The following CEP104 variants were observed in gnomAD, a reference collection of about 807,000 sequenced individuals.
The protein encoded by CEP104 is centrosomal protein of 104 kDa.
CEP104 carries 84 observed loss-of-function variants against 113.3 expected under a neutral mutation model. The observed-to-expected ratio is 0.74, with a 90% CI of 0.62 to 0.89. The LOEUF (loss-of-function observed/expected upper bound fraction) is 0.89, where lower values mean the gene tolerates loss of function less well. Among genes scored for constraint, CEP104 ranks in the 40% least tolerant of loss-of-function variants. The pLI is 0.00. For synonymous variants in CEP104, 378 were observed against 421.7 expected, an observed-to-expected ratio of 0.90 and a Z score of 1.27; for missense variants, 1,053 against 1,156.6, an observed-to-expected ratio of 0.91 and a Z score of 1.30.
chr1:3,814,156 A>G lies in CEP104; in HGVS notation c.*1246T>C, dbSNP rs568964971. ...TATCCTTTTTGAAGTCTGCCCATGC[A>G]ACATCAGCGAGGCAAGCAGAAGCCC... On this transcript the variant is annotated 3_prime_UTR_variant, in exon 22 of 22. Transcript: ENST00000378230. 1 of 152,320 alleles carries G rather than the reference A, an allele frequency of 6.6e-6. No homozygotes were observed. The highest frequency in any genetic ancestry group is 2.4e-5 in the African/African-American group (1 of 41,578). 9.4% of individuals were successfully genotyped at this position (152,320 alleles called of 1,614,324 possible).
intron 6 of CEP104, chr1:3,843,209 G>A: frequency 1.4e-6 from 1 of 714,024 alleles, no homozygotes; most frequent in Non-Finnish European, 2.6e-6. Flanking sequence ...CAGCAGGCAG[G>A]TGGCAAGGGA....
rs967042529 is a variant in CEP104, at chr1:3,812,362, G to A, written c.*3040C>T. 3 of 151,994 alleles carry A rather than the reference G, an allele frequency of 2.0e-5. No individual in the cohort carries two copies. Among genetic ancestry groups the A allele is most frequent in the African/African-American group, 7.3e-5 (3 of 41,370 alleles). The allele number at this position is 151,994 out of a possible 1,614,324, so 9.4% of individuals were successfully genotyped here. A position where few individuals can be genotyped will look rare whatever the true frequency, so the allele number is the denominator to read the frequency against. ...AATAGAAATAAATATTAAATATTCAGAACATACTCATGAGTGAAAATTCAA... is the reference window on the plus strand; with the variant it reads ...AATAGAAATAAATATTAAATATTCAAAACATACTCATGAGTGAAAATTCAA... On this transcript the variant is annotated 3_prime_UTR_variant, in exon 22 of 22. Transcript: ENST00000378230.
At chr1:3,816,700 C>T (rs891098054) in intron 20 of CEP104, among the ~76,000 whole-genome samples, 4 of 152,230 alleles carry the variant, frequency 2.6e-5, no homozygotes, top group Non-Finnish European at 5.9e-5. Context: ...AGAAGCAGAG[C>T]GCCCGCGTGA....
In CEP104 at chr1:3,856,927, C is replaced by T. The variant is rs1644746664; in HGVS notation, c.-53G>A. 6.6e-6 allele frequency: 1 copy of T among 151,934 alleles called. No individual in the cohort carries two copies. Among genetic ancestry groups the T allele is most frequent in the Admixed American group, 6.6e-5 (1 of 15,240 alleles). 9.4% of individuals were successfully genotyped at this position (151,934 alleles called of 1,614,324 possible). A position where few individuals can be genotyped will look rare whatever the true frequency, so the allele number is the denominator to read the frequency against. On this transcript the variant is annotated 5_prime_UTR_variant, in exon 1 of 22. Transcript: ENST00000378230. Reference sequence around the variant, plus strand: ...AGGGCCCCGACTGGCGCTGCCGCGGCCCCGGTGGAGAGGGCGGCTGGGTCG... The same window carrying T: ...AGGGCCCCGACTGGCGCTGCCGCGGTCCCGGTGGAGAGGGCGGCTGGGTCG...
rs36097837 is a variant in CEP104, at chr1:3,813,576, C to G, written c.*1826G>C. On this transcript the variant is annotated 3_prime_UTR_variant, in exon 22 of 22. Transcript: ENST00000378230. Reference sequence around the variant, plus strand: ...TCCTTATAAACACATTTAACCTGGGCGTGGTGGCTCACGCCTGTAATCCCA... The same window carrying G: ...TCCTTATAAACACATTTAACCTGGGGGTGGTGGCTCACGCCTGTAATCCCA... 2 of 147,434 alleles carry G rather than the reference C, an allele frequency of 1.4e-5. No homozygotes were observed. The highest frequency in any genetic ancestry group is 2.5e-5 in the African/African-American group (1 of 40,354). The allele number at this position is 147,434 out of a possible 1,614,324, so 9.1% of individuals were successfully genotyped here. A position where few individuals can be genotyped will look rare whatever the true frequency, so the allele number is the denominator to read the frequency against.
chr1:3,828,727 A>T (rs972992204), intron 15 of CEP104, among the ~76,000 whole-genome samples: 4 of 152,078 alleles, frequency 2.6e-5, no homozygotes, highest in African/African-American at 7.2e-5. Context: ...ACTGAAGGAA[A>T]CTTCATCATA....
intron 11 of CEP104, among the ~76,000 whole-genome samples, chr1:3,834,615 C>A (rs1306737745): frequency 6.6e-6 from 1 of 152,208 alleles, no homozygotes; most frequent in Non-Finnish European, 1.5e-5. Flanking sequence ...AAAACACAAA[C>A]TGAAGATGTG....
At chr1:3,836,863 AATTGAAAAGATTAGATGAGGCTTTCTAT>A in intron 9 of CEP104, 171 bp from the exon 10 acceptor site, 1 of 611,110 alleles carries the variant, frequency 1.6e-6, no homozygotes, top group South Asian at 2.1e-5. Flanking sequence ...AATAGGATGT[AATTGAAAAGATTAGATGAGGCTTTCTAT>A]TACTTTCTAA....
intron 10 of CEP104, among the ~76,000 whole-genome samples, chr1:3,836,162 C>T (rs1368755773): frequency 6.6e-6 from 1 of 152,058 alleles, no homozygotes; most frequent in Non-Finnish European, 1.5e-5. Flanking sequence ...AAAAATTAGC[C>T]AGGCGTGGTG....
Position 3,842,376 on chromosome 1 carries a change from G to A in CEP104, c.566+2531C>T, listed in dbSNP as rs191420175. On this transcript the variant is annotated intron_variant, in intron 6 of 21. Coordinates refer to ENST00000378230, the MANE Select transcript of CEP104 (RefSeq NM_014704.4). ...ATTACAGGCGTGAGCCACCGCGCCCGGCCTTGGTGTTATTTTTTTATAGAC... is the reference window on the plus strand; with the variant it reads ...ATTACAGGCGTGAGCCACCGCGCCCAGCCTTGGTGTTATTTTTTTATAGAC... Among the ~76,000 whole-genome samples, 29 of 152,294 alleles carry A rather than the reference G, an allele frequency of 1.9e-4. 1 individual carries two copies. In the South Asian group the frequency reaches 4.1e-3, roughly 22 times the overall value.
At chr1:3,833,701 A>G (rs1644258670) in intron 12 of CEP104, 161 bp downstream of exon 12, 5 of 610,698 alleles carry the variant, frequency 8.2e-6, no homozygotes, top group Non-Finnish European at 1.3e-5. Context: ...TGTCTAAGAC[A>G]AAACTGACCT....
intron 6 of CEP104, 69 bp from the exon 7 acceptor site, chr1:3,839,845 G>C: frequency 7.7e-7 from 1 of 1,294,858 alleles, no homozygotes; most frequent in East Asian, 2.4e-5. Flanking sequence ...AAGATGCACG[G>C]TTGAGAAGAT....
At chr1:3,825,000 C>T (rs35600686) in intron 18 of CEP104, among the ~76,000 whole-genome samples, 1,845 of 24,840 alleles carry the variant, frequency 0.074, 128 homozygotes, top group African/African-American at 0.088. Context: ...GGCAGTGGCA[C>T]TGTGGGAAGG....
rs184977936 is a variant in CEP104 at position 3,825,942 on chromosome 1, G to T, written c.2256-76C>A. 308 of 997,066 alleles carry T rather than the reference G, an allele frequency of 3.1e-4. 1 individual carries two copies. Among genetic ancestry groups the T allele is most frequent in the Non-Finnish European group, 7.3e-5 (46 of 630,218 alleles). The allele number at this position is 997,066 out of a possible 1,614,324, so 61.8% of individuals were successfully genotyped here. On this transcript the variant is annotated intron_variant, in intron 17 of 21. Transcript: ENST00000378230. Reference sequence around the variant, plus strand: ...TGGCCGTTCCGCTCCCACGTCACGAGGAAATTCTGAATTTCCCCAGTCCCT... The same window carrying T: ...TGGCCGTTCCGCTCCCACGTCACGATGAAATTCTGAATTTCCCCAGTCCCT...
intron 9 of CEP104, chr1:3,837,007 C>T (rs1644327287): frequency 1.9e-6 from 1 of 516,968 alleles, no homozygotes; most frequent in South Asian, 2.7e-5. Context: ...AAAGTAAAGG[C>T]TATTACATCT....
chr1:3,847,682 T>C (rs908946210), intron 3 of CEP104, 69 bp from the exon 4 acceptor site: 2 of 1,491,602 alleles, frequency 1.3e-6, no homozygotes, highest in Admixed American at 1.7e-5. Flanking sequence ...CTACTCTGAT[T>C]GAACTCAATA....
At chr1:3,820,972 T>A (rs752724073) in intron 20 of CEP104, among the ~76,000 whole-genome samples, 1 of 152,166 alleles carries the variant, frequency 6.6e-6, no homozygotes, top group Non-Finnish European at 1.5e-5. Context: ...AGCCTGCAGC[T>A]CAGAACGGGA....
rs1261849044 is a variant in CEP104, at chr1:3,819,592, T to C, written c.2572-3222A>G. Among the ~76,000 whole-genome samples the C allele has an allele frequency of 1.3e-5, 2 of 152,124 alleles. No individual in the cohort carries two copies. The highest frequency in any genetic ancestry group is 2.9e-5 in the Non-Finnish European group (2 of 68,016). On this transcript the variant is annotated intron_variant, in intron 20 of 21. Coordinates refer to ENST00000378230, the MANE Select transcript of CEP104 (RefSeq NM_014704.4). This position sits in a 1 kb window ranked among gnomAD's most constrained non-coding sequence, Gnocchi z 4.6. Reference sequence around the variant, plus strand: ...TGGAAAGTACCAGATTGAAAATGAATTCACTTAACAGAGGACTGGAGATGG... The same window carrying C: ...TGGAAAGTACCAGATTGAAAATGAACTCACTTAACAGAGGACTGGAGATGG...
intron 7 of CEP104, 58 bp from the exon 8 acceptor site, chr1:3,839,177 A>G: frequency 6.7e-7 from 1 of 1,484,146 alleles, no homozygotes; most frequent in Non-Finnish European, 9.4e-7. Flanking sequence ...CATCAAATGC[A>G]AAGCTAATTT....
Sources: allele counts gnomAD v4.1 joint callset (sites outside exome capture counted in the v4.1 genomes callset), GRCh38; gene constraint gnomAD v4.1.1; non-coding constraint Gnocchi (gnomAD v3.1); transcripts MANE v1.5; gene names NCBI Gene and HGNC (gene_info 2026-07-23, HGNC 2026-07-21).